CNTNAP5: variants seen among roughly 807,000 people sequenced by gnomAD.
CNTNAP5 encodes the protein contactin associated protein family member 5, also known as contactin-associated protein-like 5.
CNTNAP5 carries 72 observed loss-of-function variants against 150.2 expected under a neutral mutation model. The ratio of observed to expected loss-of-function variants is 0.48; its 90% CI spans 0.40 to 0.58. CNTNAP5 has a LOEUF of 0.58. CNTNAP5 is among the 20% of genes least tolerant of loss of function. The pLI, the probability that CNTNAP5 is intolerant of heterozygous loss-of-function variation, is 0.00. For synonymous variants in CNTNAP5, 672 were observed against 619.8 expected (o/e 1.08, Z -1.25); for missense variants, 1,636 against 1,626.2 (o/e 1.01, Z -0.10).
In CNTNAP5 at chr2:124,609,947, C is replaced by G. The variant is rs1553422402; in HGVS notation, c.1876+27C>G. 3 of 1,591,560 alleles carry G rather than the reference C, an allele frequency of 1.9e-6. No individual in the cohort carries two copies. In the Admixed American group the frequency reaches 5.1e-5, roughly 27 times the overall value. On this transcript the variant is annotated intron_variant, in intron 12 of 23. Coordinates refer to ENST00000682447, the MANE Select transcript of CNTNAP5 (RefSeq NM_001367498.1). The stretch of plus-strand genomic sequence containing the variant: ...TAAGGGTGCAGTAGCCCTACTCACA[C>G]TTAACCACCCCACTTCATGGAAGGA...
intron 14 of CNTNAP5, among the ~76,000 whole-genome samples, chr2:124,756,414 C>CGT (rs1377135711): frequency 1.3e-5 from 2 of 151,996 alleles, no homozygotes; most frequent in Admixed American, 6.6e-5. Flanking sequence ...CATTACTGGG[C>CGT]GTATACCCAA....
intron 1 of CNTNAP5, among the ~76,000 whole-genome samples, chr2:124,123,266 C>A (rs1488730914): frequency 6.6e-6 from 1 of 152,200 alleles, no homozygotes; most frequent in South Asian, 2.1e-4. Context: ...CCATGCCTGG[C>A]TCGGAGGGTC....
chr2:124,666,828 C>G (rs773364451), intron 13 of CNTNAP5, among the ~76,000 whole-genome samples: 1 of 152,170 alleles, frequency 6.6e-6, no homozygotes, highest in East Asian at 1.9e-4. Context: ...CGCATCCCAG[C>G]AGCTTGCGTT....
chr2:124,678,240 A>G (rs544541112), intron 13 of CNTNAP5, among the ~76,000 whole-genome samples: 8 of 151,910 alleles, frequency 5.3e-5, no homozygotes, highest in African/African-American at 1.9e-4. Context: ...TTAAAACTGT[A>G]CTGATTGTGC....
Position 124,865,357 on chromosome 2 carries a change from C to A in CNTNAP5, c.3269C>A (p.Thr1090Asn), listed in dbSNP as rs1382847186. 2.6e-6 allele frequency: 4 copies of A among 1,563,420 alleles called. 1 individual carries two copies. The Middle Eastern group carries it at 5.0e-4, about 195-fold the overall frequency. ...AACAAGGAAGAAACCCATGTATTCA[C>A]CATTGATGCAGATAACTTTGCTAAC... ...HLNKEETHVF[T>N]IDADNFANRR... The change falls in exon 20 of 24, where the codon ACC becomes AAC. Residue 1090 changes from threonine to asparagine, a missense_variant. Transcript: ENST00000682447.
chr2:124,629,928 C>A (rs189676601), intron 12 of CNTNAP5, among the ~76,000 whole-genome samples: 3 of 76,318 alleles, frequency 3.9e-5, no homozygotes, highest in South Asian at 4.4e-4. Flanking sequence ...ACTATAAACA[C>A]CTCTATGCAA....
intron 3 of CNTNAP5, among the ~76,000 whole-genome samples, chr2:124,415,566 G>A (rs372463167): frequency 5.8e-4 from 88 of 152,280 alleles, no homozygotes; most frequent in Middle Eastern, 3.4e-3. Flanking sequence ...GGTCATCTGC[G>A]AAAGCAATGG....
chr2:124,663,481 T>G (rs1279112306), intron 13 of CNTNAP5, among the ~76,000 whole-genome samples: 2 of 152,212 alleles, frequency 1.3e-5, no homozygotes, highest in African/African-American at 4.8e-5. Context: ...TTGCCGACAC[T>G]GTAAAAATTT....
chr2:124,706,779 GAA>G (rs1679652197), intron 13 of CNTNAP5, among the ~76,000 whole-genome samples: 4 of 34,870 alleles, frequency 1.1e-4, no homozygotes, highest in Non-Finnish European at 2.2e-4. Flanking sequence ...AGAAGAAGAA[GAA>G]GAAGAAGAAG....
intron 13 of CNTNAP5, among the ~76,000 whole-genome samples, chr2:124,713,623 G>A (rs1011082414): frequency 1.3e-5 from 2 of 151,804 alleles, no homozygotes; most frequent in African/African-American, 2.4e-5. Context: ...TGATCCACCC[G>A]CATTGGTTTC....
intron 17 of CNTNAP5, among the ~76,000 whole-genome samples, chr2:124,784,401 C>T (rs540854628): frequency 6.6e-6 from 1 of 152,288 alleles, no homozygotes; most frequent in South Asian, 2.1e-4. Context: ...GTCCAACTGA[C>T]ACATGGAGGT....
intron 12 of CNTNAP5, among the ~76,000 whole-genome samples, chr2:124,626,640 G>A (rs975955736): frequency 5.3e-5 from 8 of 152,122 alleles, no homozygotes; most frequent in Non-Finnish European, 1.2e-4. Flanking sequence ...GTGGCTGTTC[G>A]AGCAGGCACT....
At chr2:124,356,257 T>C (rs939753487) in intron 3 of CNTNAP5, among the ~76,000 whole-genome samples, 3 of 152,014 alleles carry the variant, frequency 2.0e-5, no homozygotes, top group African/African-American at 7.2e-5. Context: ...CTTAACACTT[T>C]ACTTTAGAAA....
chr2:124,542,990 T>C (rs6734052), intron 10 of CNTNAP5, among the ~76,000 whole-genome samples: 64,041 of 151,938 alleles, frequency 0.42, 14,051 homozygotes, highest in East Asian at 0.64. Context: ...ACTCTGGAGG[T>C]TGCTATCCGA....
At chr2:124,274,691 T>C (rs1382871916) in intron 3 of CNTNAP5, among the ~76,000 whole-genome samples, 2 of 151,810 alleles carry the variant, frequency 1.3e-5, no homozygotes, top group Non-Finnish European at 2.9e-5. Flanking sequence ...GTAAACAAAA[T>C]AGCAGAAGTT....
chr2:124,652,401 T>G (rs2105032722), intron 13 of CNTNAP5, among the ~76,000 whole-genome samples: 1 of 152,254 alleles, frequency 6.6e-6, no homozygotes, highest in Admixed American at 6.5e-5. Context: ...GAGACAACAC[T>G]TATCCCCACT....
intron 21 of CNTNAP5, among the ~76,000 whole-genome samples, chr2:124,870,478 C>T (rs1231828665): frequency 7.2e-6 from 1 of 139,736 alleles, no homozygotes; most frequent in East Asian, 1.9e-4. Flanking sequence ...TTTTTATACT[C>T]AACTGTCCAT....
At chr2:124,251,374 T>A (rs1336406682) in intron 3 of CNTNAP5, among the ~76,000 whole-genome samples, 2 of 152,006 alleles carry the variant, frequency 1.3e-5, no homozygotes, top group Non-Finnish European at 2.9e-5. Context: ...GTGGGTGATT[T>A]TTTTTTCCTT....
intron 19 of CNTNAP5, among the ~76,000 whole-genome samples, chr2:124,819,579 T>C (rs1292922418): frequency 6.6e-6 from 1 of 152,164 alleles, no homozygotes; most frequent in Admixed American, 6.5e-5. Context: ...AACATTATCT[T>C]CAAATAATAG....
Sources: gnomAD v4.1 joint callset for allele counts (sites outside exome capture counted in the v4.1 genomes callset) on GRCh38, gnomAD v4.1.1 for gene constraint, MANE v1.5 for transcripts, NCBI Gene and HGNC (gene_info 2026-07-23, HGNC 2026-07-21) for gene names.